Variants in KLF8 observed in about 807,000 individuals in gnomAD.
KLF8 encodes KLF transcription factor 8.
KLF8 carries 10 observed loss-of-function variants against 18.2 expected under a neutral mutation model. The observed-to-expected ratio is 0.55, with a 90% CI of 0.34 to 0.93. The LOEUF is 0.93. Among genes scored for constraint, KLF8 ranks in the 40% least tolerant of loss-of-function variants. KLF8 has a pLI of 0.02. For synonymous variants in KLF8, 109 were observed against 97.3 expected (o/e 1.12, Z -0.71); for missense variants, 264 against 277.9 (o/e 0.95, Z 0.36).
the KLF8 span, among the ~76,000 whole-genome samples, chrX:55,996,708 C>A: frequency 9.0e-6 from 1 of 111,658 alleles, no homozygotes; most frequent in South Asian, 3.8e-4. Flanking sequence ...TTTTCTCTGG[C>A]CCCTACAGGT....
the KLF8 span, among the ~76,000 whole-genome samples, chrX:55,925,491 G>A: frequency 1.8e-5 from 2 of 111,026 alleles, no homozygotes; most frequent in Non-Finnish European, 3.8e-5. Flanking sequence ...TTTACTACAT[G>A]CCAGGCACCA....
the KLF8 span, among the ~76,000 whole-genome samples, chrX:56,023,247 G>A: frequency 9.0e-6 from 1 of 111,358 alleles, no homozygotes; most frequent in Non-Finnish European, 1.9e-5. Context: ...AGACAGCAAT[G>A]GAAAACAAAA....
At chrX:56,090,029 G>A in the KLF8 span, among the ~76,000 whole-genome samples, 2 of 111,993 alleles carry the variant, frequency 1.8e-5, no homozygotes, top group East Asian at 2.8e-4. Flanking sequence ...TGGAGGAAGG[G>A]AAATACTCAA....
At chrX:56,128,973 G>A in the KLF8 span, among the ~76,000 whole-genome samples, 1 of 111,627 alleles carries the variant, frequency 9.0e-6, no homozygotes, top group African/African-American at 3.3e-5. Context: ...CAGGGAGAGA[G>A]AGAGAAAAAT....
At chrX:56,216,009 G>A in the KLF8 span, among the ~76,000 whole-genome samples, 3 of 107,547 alleles carry the variant, frequency 2.8e-5, no homozygotes, top group Non-Finnish European at 3.8e-5. Flanking sequence ...CTCGGTGAAC[G>A]ACACCACTAT....
At chrX:56,026,583 C>T in the KLF8 span, among the ~76,000 whole-genome samples, 1 of 111,697 alleles carries the variant, frequency 9.0e-6, no homozygotes, top group Non-Finnish European at 1.9e-5. Context: ...TTTGACAGTC[C>T]GATTCATTCG....
At chrX:56,028,460 C>A in the KLF8 span, among the ~76,000 whole-genome samples, 2 of 111,546 alleles carry the variant, frequency 1.8e-5, no homozygotes, top group East Asian at 5.7e-4. Context: ...AGGTAGCATA[C>A]CTGCTGTCTG....
chrX:56,287,782 A>G lies in KLF8; in HGVS notation c.*3288A>G, dbSNP rs1253471905. 8.9e-6 allele frequency: 1 copy of G among 112,077 alleles called. No individual in the cohort carries two copies. Among genetic ancestry groups the G allele is most frequent in the Non-Finnish European group, 1.9e-5 (1 of 53,288 alleles). The allele number at this position is 112,077 out of a possible 1,213,427, so 9.2% of individuals were successfully genotyped here. On this transcript the variant is annotated 3_prime_UTR_variant, in exon 6 of 6. Coordinates refer to ENST00000468660, the MANE Select transcript of KLF8 (RefSeq NM_007250.5). ...GAAAAAATGTGAAGCTAGTACAGAG[A>G]GGTCTCATTTACCCCACACCCAGTT...
At chrX:55,960,103 G>T in the KLF8 span, among the ~76,000 whole-genome samples, 3 of 112,087 alleles carry the variant, frequency 2.7e-5, no homozygotes, top group South Asian at 1.1e-3. Context: ...CATCACTAAA[G>T]AAAAGAAATT....
the KLF8 span, among the ~76,000 whole-genome samples, chrX:56,158,129 C>T: frequency 3.6e-5 from 4 of 111,686 alleles, no homozygotes; most frequent in Non-Finnish European, 3.8e-5. Flanking sequence ...TTTCCCAGCA[C>T]CATTTATTAA....
the KLF8 span, among the ~76,000 whole-genome samples, chrX:55,927,788 A>T: frequency 2.1e-4 from 23 of 111,259 alleles, no homozygotes; most frequent in Non-Finnish European, 4.1e-4. Context: ...TTTTTAATAT[A>T]TTTTGTATAC....
the KLF8 span, among the ~76,000 whole-genome samples, chrX:56,038,720 G>C: frequency 8.9e-6 from 1 of 112,289 alleles, no homozygotes; most frequent in Non-Finnish European, 1.9e-5. Context: ...TATTCCTTTC[G>C]GTATATACCC....
chrX:55,960,628 AAAGAAG>A, the KLF8 span, among the ~76,000 whole-genome samples: 8 of 109,988 alleles, frequency 7.3e-5, no homozygotes, highest in African/African-American at 1.3e-4. Context: ...GAGAAGGAGA[AAAGAAG>A]AAGAAGGAGA....
the KLF8 span, among the ~76,000 whole-genome samples, chrX:56,096,012 G>A: frequency 9.0e-5 from 10 of 111,467 alleles, no homozygotes; most frequent in African/African-American, 2.0e-4. Context: ...ATTTATCATA[G>A]CACTATTTAC....
the KLF8 span, among the ~76,000 whole-genome samples, chrX:56,076,901 G>A: frequency 8.9e-6 from 1 of 112,225 alleles, no homozygotes; most frequent in South Asian, 3.7e-4. Context: ...GTGATGGTGA[G>A]CATTTTTTCA....
At chrX:55,965,735 CAAAT>C in the KLF8 span, among the ~76,000 whole-genome samples, 1 of 112,164 alleles carries the variant, frequency 8.9e-6, no homozygotes, top group Non-Finnish European at 1.9e-5. Flanking sequence ...TTTCTATACA[CAAAT>C]AATGTTCAAG....
the KLF8 span, among the ~76,000 whole-genome samples, chrX:56,079,016 A>T: frequency 4.4e-4 from 49 of 110,971 alleles, no homozygotes; most frequent in African/African-American, 1.5e-3. Context: ...TATCACGTCT[A>T]CTTGATTCTT....
chrX:56,202,275 T>G, the KLF8 span, among the ~76,000 whole-genome samples: 9 of 110,836 alleles, frequency 8.1e-5, no homozygotes, highest in Non-Finnish European at 1.5e-4. Flanking sequence ...TGGGTTTTTT[T>G]GTTTGTTTTC....
chrX:56,048,696 T>C, the KLF8 span, among the ~76,000 whole-genome samples: 1 of 111,869 alleles, frequency 8.9e-6, no homozygotes, highest in Non-Finnish European at 1.9e-5. Context: ...TGAAGTCAGG[T>C]AGCATGATGC....
Sources: allele counts gnomAD v4.1 joint callset (sites outside exome capture counted in the v4.1 genomes callset), GRCh38; gene constraint gnomAD v4.1.1; transcripts MANE v1.5; gene names NCBI Gene and HGNC (gene_info 2026-07-23, HGNC 2026-07-21).